The following GLT1D1 variants were observed in gnomAD, a reference collection of about 807,000 sequenced individuals.
The protein encoded by GLT1D1 is glycosyltransferase 1 domain containing 1.
Under a neutral mutation model 28.7 loss-of-function variants are expected in GLT1D1, and 21 were observed. The observed-to-expected ratio is 0.73, with a 90% CI of 0.52 to 1.05. GLT1D1 has a LOEUF of 1.05. GLT1D1 is among the 50% of genes least tolerant of loss of function. GLT1D1 has a pLI of 0.00. For missense variants in GLT1D1, 343 were observed against 330.6 expected, an observed-to-expected ratio of 1.04 and a Z score of -0.29; for synonymous variants, 147 against 124.8, an observed-to-expected ratio of 1.18 and a Z score of -1.19.
intron 1 of GLT1D1, among the ~76,000 whole-genome samples, chr12:128,868,963 G>A (rs146391632): frequency 0.13 from 19,390 of 152,152 alleles, 1,405 homozygotes; most frequent in South Asian, 0.23. Context: ...ACCGCCTGCC[G>A]GGTTCAAGTG....
chr12:128,883,293 T>G (rs904519998), intron 2 of GLT1D1, among the ~76,000 whole-genome samples: 3 of 151,580 alleles, frequency 2.0e-5, no homozygotes, highest in Non-Finnish European at 4.4e-5. Context: ...GGTGGCTGAT[T>G]GAGAAGCCAA....
intron 7 of GLT1D1, among the ~76,000 whole-genome samples, chr12:128,971,713 C>A (rs1237453213): frequency 0.031 from 2 of 64 alleles, 1 homozygote; most frequent in Non-Finnish European, 0.11. Context: ...CCCTTCCCCC[C>A]TCCCTCCTCC....
chr12:128,960,385 G>A (rs1004827219), intron 7 of GLT1D1, among the ~76,000 whole-genome samples: 13 of 152,138 alleles, frequency 8.5e-5, no homozygotes, highest in African/African-American at 2.9e-4. Flanking sequence ...ATAAGTCAGG[G>A]ACTATGGTTC....
At chr12:128,896,893 T>C (rs972738160) in intron 3 of GLT1D1, among the ~76,000 whole-genome samples, 6 of 152,228 alleles carry the variant, frequency 3.9e-5, no homozygotes, top group Admixed American at 2.0e-4. Context: ...TGTCTTTGTG[T>C]ACTTGTCTGA....
chr12:128,879,317 A>G (rs547085716), intron 2 of GLT1D1, among the ~76,000 whole-genome samples: 27 of 149,292 alleles, frequency 1.8e-4, no homozygotes, highest in African/African-American at 6.5e-4. Context: ...CCCCCACCCC[A>G]CCCCCAACAA....
At chr12:128,866,067 CT>C (rs1208489895) in intron 1 of GLT1D1, among the ~76,000 whole-genome samples, 8,064 of 133,404 alleles carry the variant, frequency 0.06, 227 homozygotes, top group Non-Finnish European at 0.088. Context: ...GTGATTGTAC[CT>C]TTTTTTTTTT....
intron 2 of GLT1D1, among the ~76,000 whole-genome samples, chr12:128,877,743 A>T (rs979078701): frequency 3.9e-5 from 6 of 152,216 alleles, no homozygotes; most frequent in African/African-American, 1.4e-4. Context: ...TACATAACAA[A>T]TTACCCCCTG....
At chr12:128,945,123 A>G in intron 4 of GLT1D1, 1 of 728,020 alleles carries the variant, frequency 1.4e-6, no homozygotes, top group Non-Finnish European at 2.5e-6. Context: ...CGAAGTATTG[A>G]GTGATACGCG....
chr12:128,875,976 G>T lies in GLT1D1; in HGVS notation c.131G>T (p.Arg44Leu). The T allele has an allele frequency of 6.2e-7, 1 of 1,614,016 alleles. No homozygotes were observed. The change falls in exon 2 of 8, where the codon CGA (arginine) becomes CTA (leucine). Residue 44 changes from arginine (R) to leucine (L), a missense_variant. Physicochemically the swap from Arg to Leu is moderately radical, Grantham distance 102. Transcript: ENST00000281703. ...AAGGATGCCTTTGACTTTGAAAGCC[G>T]ATCTGAGATTGCAAACCTCATCTTG...
intron 6 of GLT1D1, among the ~76,000 whole-genome samples, chr12:128,954,126 T>A (rs991697435): frequency 1.3e-5 from 2 of 150,770 alleles, no homozygotes; most frequent in Non-Finnish European, 3.0e-5. Context: ...TGTTTTTGTT[T>A]TTGTTTTTGT....
intron 7 of GLT1D1, among the ~76,000 whole-genome samples, chr12:128,980,991 C>A (rs1014110752): frequency 2.6e-5 from 4 of 152,198 alleles, no homozygotes. Context: ...TCTACAGGCG[C>A]GTGTCCAGCA....
intron 4 of GLT1D1, among the ~76,000 whole-genome samples, chr12:128,914,421 G>C (rs1162758492): frequency 6.6e-6 from 1 of 152,066 alleles, no homozygotes; most frequent in Admixed American, 6.5e-5. Context: ...TGGAATCCAT[G>C]GGCTCTTTTT....
intron 7 of GLT1D1, among the ~76,000 whole-genome samples, chr12:128,972,460 G>T (rs1488529665): frequency 6.6e-6 from 1 of 152,206 alleles, no homozygotes; most frequent in East Asian, 1.9e-4. Flanking sequence ...GGGAGGCTGG[G>T]AATTGTGGCC....
intron 7 of GLT1D1, among the ~76,000 whole-genome samples, chr12:128,971,547 T>C (rs1394852363): frequency 1.6e-5 from 2 of 126,464 alleles, no homozygotes; most frequent in Non-Finnish European, 3.3e-5. Flanking sequence ...TCTCCTTCTC[T>C]CTCTTCCTGT....
At chr12:128,970,353 TCTC>T (rs1878917243) in intron 7 of GLT1D1, among the ~76,000 whole-genome samples, 1 of 152,120 alleles carries the variant, frequency 6.6e-6, no homozygotes, top group Non-Finnish European at 1.5e-5. Flanking sequence ...CTGTCCCACT[TCTC>T]CTGAGCTCTG....
intron 7 of GLT1D1, among the ~76,000 whole-genome samples, chr12:128,963,147 A>G (rs1878132915): frequency 6.6e-6 from 1 of 152,166 alleles, no homozygotes; most frequent in South Asian, 2.1e-4. Flanking sequence ...TGTGCACACC[A>G]ACGACAGTGG....
At chr12:128,967,465 T>C (rs377381939) in intron 7 of GLT1D1, among the ~76,000 whole-genome samples, 399 of 152,334 alleles carry the variant, frequency 2.6e-3, no homozygotes, top group African/African-American at 9.1e-3. Flanking sequence ...GTGGAGATCA[T>C]GACCTCTCTT....
chr12:128,959,411 T>TGGGC (rs1387226947), intron 7 of GLT1D1, among the ~76,000 whole-genome samples: 15 of 31,534 alleles, frequency 4.8e-4, no homozygotes, highest in Admixed American at 9.3e-4. Context: ...CATGAGGCAG[T>TGGGC]GGGGGGGGAC....
At chr12:128,887,003 T>C (rs1382555856) in intron 2 of GLT1D1, among the ~76,000 whole-genome samples, 1 of 150,084 alleles carries the variant, frequency 6.7e-6, no homozygotes, top group East Asian at 2.0e-4. Flanking sequence ...TAAGTCTCAC[T>C]CCCAACCCAG....
Sources: gnomAD v4.1 joint callset for allele counts (sites outside exome capture counted in the v4.1 genomes callset) on GRCh38, gnomAD v4.1.1 for gene constraint, MANE v1.5 for transcripts, NCBI Gene and HGNC (gene_info 2026-07-23, HGNC 2026-07-21) for gene names.